Variants in CDC16 observed in about 807,000 individuals in gnomAD.
The protein encoded by CDC16 is cell division cycle protein 16 homolog.
In CDC16, 34 loss-of-function variants were observed where a neutral mutation model predicts 87.0. The observed-to-expected ratio is 0.39, with a 90% CI of 0.30 to 0.52. The LOEUF (loss-of-function observed/expected upper bound fraction) is 0.52, where lower values mean the gene tolerates loss of function less well. CDC16 is among the 20% of genes least tolerant of loss of function. The pLI, the probability that CDC16 is intolerant of heterozygous loss-of-function variation, is 0.74. For synonymous variants in CDC16, 263 were observed against 260.6 expected (o/e 1.01, Z -0.09); for missense variants, 653 against 751.9 (o/e 0.87, Z 1.54).
In CDC16 at chr13:114,246,926, T is replaced by A; in HGVS notation, c.898-5T>A. The A allele has an allele frequency of 5.6e-6, 9 of 1,606,258 alleles. No homozygotes were observed. Among genetic ancestry groups the A allele is most frequent in the African/African-American group, 1.3e-5 (1 of 74,868 alleles). On this transcript the variant is annotated splice_polypyrimidine_tract_variant and splice_region_variant and intron_variant, in intron 10 of 17. Coordinates refer to ENST00000356221, the MANE Select transcript of CDC16 (RefSeq NM_001078645.3). ...TTTGTTTATGGTAAATTTTGAACTT[T>A]TTAGGTGTCTTGGTTTGCAGTGGGA...
At chr13:114,236,969 CT>C in intron 3 of CDC16, 73 bp downstream of exon 3, 4 of 942,410 alleles carry the variant, frequency 4.2e-6, no homozygotes, top group South Asian at 1.7e-5. Context: ...GGCGCGGTGG[CT>C]TACACCTGTA....
rs1220073853 is a variant in CDC16 at position 114,263,006 on chromosome 13, T to G, written c.1504T>G (p.Phe502Val). The G allele has an allele frequency of 6.2e-7, 1 of 1,612,684 alleles. No homozygotes were observed. Among genetic ancestry groups the G allele is most frequent in the Non-Finnish European group, 8.5e-7 (1 of 1,178,624 alleles). Residue 502 changes from phenylalanine to valine, a missense_variant, in exon 16 of 18, where the codon TTC becomes GTC. Phe to Val is a conservative substitution (Grantham distance 50). Coordinates refer to ENST00000356221, the MANE Select transcript of CDC16 (RefSeq NM_001078645.3). ...CAACTTTGAAAATGCTGTGGACTAC[T>G]TCCACACAGTATGTCTTTTCTTTGT... ...MGNFENAVDY[F>V]HTALGLRRDD...
chr13:114,272,405 A>G lies in CDC16; in HGVS notation c.1825A>G (p.Met609Val), dbSNP rs1422772477. The change falls in exon 18 of 18, where the codon ATG becomes GTG. Residue 609 changes from methionine to valine, a missense_variant. By Grantham distance (21) the Met-to-Val change is conservative. Transcript: ENST00000356221. ...TGAAATTGAAATGAATGAAAGTGAC[A>G]TGATGTTAGAGACATCTATGTCAGA... The part of the protein sequence containing the change: ...TFEIEMNESD[M>V]MLETSMSDHS... 1.9e-6 allele frequency: 3 copies of G among 1,614,062 alleles called. No homozygotes were observed. The highest frequency in any genetic ancestry group is 4.5e-5 in the East Asian group (2 of 44,888).
chr13:114,269,956 T>G (rs2083499254), intron 17 of CDC16, among the ~76,000 whole-genome samples: 1 of 152,226 alleles, frequency 6.6e-6, no homozygotes, highest in Non-Finnish European at 1.5e-5. Flanking sequence ...TCCGCCCGCC[T>G]CAGTCTCCGA....
At chr13:114,239,632 A>G in intron 5 of CDC16, 142 bp downstream of exon 5, 1 of 1,225,646 alleles carries the variant, frequency 8.2e-7, no homozygotes, top group Non-Finnish European at 1.0e-6. Context: ...CACCAAAACC[A>G]AAAAAGATTC....
At chr13:114,250,989 TATATC>T (rs1205933370) in intron 12 of CDC16, among the ~76,000 whole-genome samples, 2 of 152,172 alleles carry the variant, frequency 1.3e-5, no homozygotes, top group East Asian at 1.9e-4. Context: ...GCAAAATTAT[TATATC>T]TTATCTATTA....
intron 11 of CDC16, chr13:114,247,328 T>C (rs1472661169): frequency 5.9e-5 from 13 of 220,244 alleles, no homozygotes; most frequent in Non-Finnish European, 9.9e-5. Context: ...CTAGCTGATT[T>C]AAACATTTTT....
intron 5 of CDC16, among the ~76,000 whole-genome samples, chr13:114,240,947 AAAC>A (rs202014457): frequency 0.013 from 1,984 of 152,322 alleles, 29 homozygotes; most frequent in South Asian, 0.05. Flanking sequence ...CATTTTTAAA[AAAC>A]AACTCCTAGG....
chr13:114,257,594 CAA>C (rs2082584917), intron 13 of CDC16, among the ~76,000 whole-genome samples: 1 of 152,050 alleles, frequency 6.6e-6, no homozygotes, highest in Admixed American at 6.6e-5. Flanking sequence ...GTTTTTGAAA[CAA>C]AAGTGTTTTC....
At chr13:114,236,744 T>A (rs943790462) in intron 2 of CDC16, 45 bp downstream of exon 2, 12 of 1,613,398 alleles carry the variant, frequency 7.4e-6, no homozygotes, top group Non-Finnish European at 1.0e-5. Context: ...ATCTTAAAAT[T>A]CGTTTTCTAT....
chr13:114,266,565 A>G (rs2083226998), intron 17 of CDC16, among the ~76,000 whole-genome samples: 1 of 152,168 alleles, frequency 6.6e-6, no homozygotes, highest in African/African-American at 2.4e-5. Flanking sequence ...CTCATGGCAC[A>G]CCTAGCAAAC....
At chr13:114,264,611 A>T (rs1374171224) in intron 16 of CDC16, among the ~76,000 whole-genome samples, 1 of 151,826 alleles carries the variant, frequency 6.6e-6, no homozygotes, top group Non-Finnish European at 1.5e-5. Context: ...ATGGAGATAG[A>T]ACTTCTTTTT....
intron 5 of CDC16, among the ~76,000 whole-genome samples, chr13:114,241,288 G>A (rs2081538235): frequency 6.6e-6 from 1 of 152,238 alleles, no homozygotes; most frequent in Admixed American, 6.5e-5. Context: ...GATGAGGATA[G>A]GAAATGGAGG....
At chr13:114,270,268 C>T (rs3993427) in intron 17 of CDC16, among the ~76,000 whole-genome samples, 3 of 151,990 alleles carry the variant, frequency 2.0e-5, no homozygotes, top group South Asian at 4.1e-4. Context: ...TTGACATATC[C>T]GGAACAGGAG....
chr13:114,265,357 G>A (rs1397118813), intron 17 of CDC16, 117 bp downstream of exon 17: 13 of 693,938 alleles, frequency 1.9e-5, no homozygotes, highest in African/African-American at 5.4e-5. Context: ...CTAACCATTC[G>A]TGCTGCATTA....
chr13:114,256,354 A>T (rs985232979), intron 12 of CDC16, among the ~76,000 whole-genome samples: 2 of 152,212 alleles, frequency 1.3e-5, no homozygotes, highest in Admixed American at 6.5e-5. Context: ...GACCTTCTGT[A>T]GAGGATATAA....
At chr13:114,264,578 A>G (rs1178753779) in intron 16 of CDC16, among the ~76,000 whole-genome samples, 1 of 152,088 alleles carries the variant, frequency 6.6e-6, no homozygotes, top group Non-Finnish European at 1.5e-5. Context: ...GGAAAAAAAT[A>G]CAGAAGGCTC....
intron 17 of CDC16, among the ~76,000 whole-genome samples, chr13:114,268,911 G>A (rs1052565620): frequency 1.3e-5 from 2 of 152,246 alleles, no homozygotes; most frequent in Non-Finnish European, 2.9e-5. Flanking sequence ...GTGATGTGGA[G>A]CAACTTGAAC....
chr13:114,257,705 CAA>C (rs986798856), intron 13 of CDC16, among the ~76,000 whole-genome samples: 1 of 152,160 alleles, frequency 6.6e-6, no homozygotes. Context: ...GTGTTATACT[CAA>C]AGAGAAAAAT....
Sources: gnomAD v4.1 joint callset for allele counts (sites outside exome capture counted in the v4.1 genomes callset) on GRCh38, gnomAD v4.1.1 for gene constraint, MANE v1.5 for transcripts, NCBI Gene and HGNC (gene_info 2026-07-23, HGNC 2026-07-21) for gene names.